PLXNA4: variants seen among roughly 807,000 people sequenced by gnomAD.
The protein encoded by PLXNA4 is plexin-A4.
In PLXNA4, 44 loss-of-function variants were observed where a neutral mutation model predicts 191.8. The ratio of observed to expected loss-of-function variants is 0.23; its 90% CI spans 0.18 to 0.29. The LOEUF (loss-of-function observed/expected upper bound fraction) is 0.29, where lower values mean the gene tolerates loss of function less well. Among genes scored for constraint, PLXNA4 ranks in the 10% least tolerant of loss-of-function variants. PLXNA4 has a pLI of 1.00. For synonymous variants in PLXNA4, 1,082 were observed against 1,009.5 expected, an observed-to-expected ratio of 1.07 and a Z score of -1.36; for missense variants, 1,800 against 2,488.8, an observed-to-expected ratio of 0.72 and a Z score of 5.89.
intron 2 of PLXNA4, among the ~76,000 whole-genome samples, chr7:132,608,426 A>G (rs1017569964): frequency 3.9e-5 from 6 of 152,230 alleles, no homozygotes; most frequent in African/African-American, 1.4e-4. Context: ...GGTAGAATGA[A>G]TAACACAGAG....
chr7:132,440,528 A>G (rs1025643795), intron 3 of PLXNA4, among the ~76,000 whole-genome samples: 3 of 152,044 alleles, frequency 2.0e-5, no homozygotes, highest in African/African-American at 7.2e-5. Flanking sequence ...GAAAATCCGT[A>G]CTCTCAAGGA....
chr7:132,135,563 GA>G (rs1267204567), intron 30 of PLXNA4, among the ~76,000 whole-genome samples: 2 of 152,132 alleles, frequency 1.3e-5, no homozygotes, highest in Non-Finnish European at 2.9e-5. Flanking sequence ...CATCACTAGG[GA>G]AAAAAACAGA....
intron 3 of PLXNA4, among the ~76,000 whole-genome samples, chr7:132,452,592 G>T (rs544397608): frequency 6.6e-6 from 1 of 152,186 alleles, no homozygotes; most frequent in African/African-American, 2.4e-5. Context: ...AAGGTGTAAG[G>T]GTCCAGCTCC....
chr7:132,489,529 G>C (rs1797697719), intron 2 of PLXNA4, 55 bp from the exon 3 acceptor site: 1 of 1,410,454 alleles, frequency 7.1e-7, no homozygotes, highest in Non-Finnish European at 9.6e-7. Flanking sequence ...AATTGGCAGA[G>C]ATATTAAGTC....
chr7:132,609,864 C>T (rs1027092269), intron 2 of PLXNA4, among the ~76,000 whole-genome samples: 37 of 152,224 alleles, frequency 2.4e-4, no homozygotes, highest in African/African-American at 8.2e-4. Context: ...GTAGGGCCAA[C>T]ACTCCATGAG....
intron 3 of PLXNA4, among the ~76,000 whole-genome samples, chr7:132,418,390 T>G (rs894032315): frequency 6.6e-6 from 1 of 152,212 alleles, no homozygotes; most frequent in African/African-American, 2.4e-5. Context: ...ATTGAAACTT[T>G]CTGCTGAACA....
chr7:132,452,750 A>G (rs1440758181), intron 3 of PLXNA4, among the ~76,000 whole-genome samples: 2 of 152,204 alleles, frequency 1.3e-5, no homozygotes, highest in Non-Finnish European at 2.9e-5. Flanking sequence ...GGACATGAGC[A>G]TCAGTGCAAG....
chr7:132,321,295 G>A lies in PLXNA4; in HGVS notation c.1372-23073C>T, dbSNP rs1448826703. Among the ~76,000 whole-genome samples the A allele has an allele frequency of 3.3e-5, 5 of 151,918 alleles. No individual in the cohort carries two copies. In the South Asian group the frequency reaches 6.2e-4, roughly 19 times the overall value. ...TGTCTGCCAAGCTGCTGAAGGCAAG[G>A]ATGTCAAGCCCAGGATGTGTGTGAA... On this transcript the variant is annotated intron_variant, in intron 3 of 31. Coordinates refer to ENST00000321063, the MANE Select transcript of PLXNA4 (RefSeq NM_020911.2).
intron 1 of PLXNA4, among the ~76,000 whole-genome samples, chr7:132,559,155 T>C (rs774756567): frequency 6.6e-6 from 1 of 152,166 alleles, no homozygotes; most frequent in Non-Finnish European, 1.5e-5. Context: ...CTGAATTCCC[T>C]GAGACCAAAA....
chr7:132,332,472 C>T (rs562392585), intron 3 of PLXNA4, among the ~76,000 whole-genome samples: 30 of 152,144 alleles, frequency 2.0e-4, no homozygotes, highest in South Asian at 1.0e-3. Flanking sequence ...GTGGGAAGGG[C>T]GGGAATCATC....
At chr7:132,353,487 T>A (rs761275914) in intron 3 of PLXNA4, among the ~76,000 whole-genome samples, 2 of 152,058 alleles carry the variant, frequency 1.3e-5, no homozygotes, top group Non-Finnish European at 2.9e-5. Context: ...CTTGGAAAGC[T>A]GAAATTTACA....
chr7:132,590,135 A>T (rs1296197778), intron 2 of PLXNA4, among the ~76,000 whole-genome samples: 1 of 152,258 alleles, frequency 6.6e-6, no homozygotes, highest in Non-Finnish European at 1.5e-5. Context: ...TGTAGCTCTG[A>T]AAAGACCTCT....
At chr7:132,168,883 A>G (rs1796200569) in intron 21 of PLXNA4, among the ~76,000 whole-genome samples, 1 of 152,220 alleles carries the variant, frequency 6.6e-6, no homozygotes, top group Non-Finnish European at 1.5e-5. Context: ...AGAGTTGATG[A>G]GGGCCCCTGT....
intron 1 of PLXNA4, among the ~76,000 whole-genome samples, chr7:132,561,345 CTCCTCT>C (rs1801038136): frequency 1.3e-5 from 2 of 149,682 alleles, no homozygotes; most frequent in Admixed American, 1.3e-4. Flanking sequence ...CTTCCTCCTC[CTCCTCT>C]TCCTCTCCCT....
At chr7:132,169,864 C>A (rs902026701) in intron 21 of PLXNA4, among the ~76,000 whole-genome samples, 5 of 151,998 alleles carry the variant, frequency 3.3e-5, no homozygotes, top group African/African-American at 9.7e-5. Context: ...AAAAGACGTA[C>A]TTAAAAAGTC....
chr7:132,199,727 G>A (rs986544491), intron 12 of PLXNA4, among the ~76,000 whole-genome samples: 6 of 152,196 alleles, frequency 3.9e-5, no homozygotes, highest in African/African-American at 1.4e-4. Flanking sequence ...GGGTAAGGGT[G>A]AAAGATGGGG....
At chr7:132,286,980 T>C (rs1324268947) in intron 4 of PLXNA4, among the ~76,000 whole-genome samples, 1 of 152,172 alleles carries the variant, frequency 6.6e-6, no homozygotes, top group Non-Finnish European at 1.5e-5. Context: ...GGAGCTCAAC[T>C]GGCCTTTAGC....
At chr7:132,387,163 C>T (rs766581688) in intron 3 of PLXNA4, among the ~76,000 whole-genome samples, 3 of 152,198 alleles carry the variant, frequency 2.0e-5, no homozygotes, top group Non-Finnish European at 2.9e-5. Context: ...CCTTGCCACT[C>T]AATGTGTGGT....
chr7:132,385,252 C>T lies in PLXNA4; in HGVS notation c.1372-87030G>A, dbSNP rs559261302. 81 of 1,613,970 alleles carry T rather than the reference C, an allele frequency of 5.0e-5. 1 individual carries two copies. In the South Asian group the frequency reaches 8.1e-4, roughly 16 times the overall value. On this transcript the variant is annotated intron_variant, in intron 3 of 31. Transcript: ENST00000321063. ...CACTGTTGCTCTGTGGGATCGGGGT[C>T]CCGTCTGTAGCTCAAGGGTAGGGCA...
Sources: gnomAD v4.1 joint callset for allele counts (sites outside exome capture counted in the v4.1 genomes callset) on GRCh38, gnomAD v4.1.1 for gene constraint, MANE v1.5 for transcripts, NCBI Gene and HGNC (gene_info 2026-07-23, HGNC 2026-07-21) for gene names.